Variants in SPIRE1 observed in about 807,000 individuals in gnomAD.
SPIRE1 encodes the protein protein spire homolog 1.
A neutral mutation model predicts 94.1 loss-of-function variants in SPIRE1; 40 were observed. The observed-to-expected ratio is 0.43, with a 90% CI of 0.33 to 0.55. The LOEUF (loss-of-function observed/expected upper bound fraction) is 0.55, where lower values mean the gene tolerates loss of function less well. Ranked by LOEUF, SPIRE1 falls within the 20% of genes least tolerant of loss-of-function variation. The pLI is 0.06. For synonymous variants in SPIRE1, 376 were observed against 371.7 expected, an observed-to-expected ratio of 1.01 and a Z score of -0.13; for missense variants, 838 against 975.2, an observed-to-expected ratio of 0.86 and a Z score of 1.87.
rs55915333 is a variant in SPIRE1, at chr18:12,626,886, A to ATATATT, written c.372+8175_372+8176insAATATA. Among the ~76,000 whole-genome samples, 445 of 111,834 alleles carry ATATATT rather than the reference A, an allele frequency of 4.0e-3. 2 individuals are homozygous for ATATATT. Among genetic ancestry groups the ATATATT allele is most frequent in the East Asian group, 0.012 (45 of 3,854 alleles). 73.4% of individuals were successfully genotyped at this position (111,834 alleles called of 152,430 possible). On this transcript the variant is annotated intron_variant, in intron 2 of 16. Transcript: ENST00000409402. ...CTGTAAAATATATATATATATATAT[A>ATATATT]TTTTTTTTTTTTTTTTGCCCAGAGG...
Position 12,449,572 on chromosome 18 carries a change from C to G in SPIRE1, c.*66G>C. On this transcript the variant is annotated 3_prime_UTR_variant, in exon 17 of 17. Coordinates refer to ENST00000409402, the MANE Select transcript of SPIRE1 (RefSeq NM_001128626.2). ...ATAAAACCACAGAAAGGAGAGCCAG[C>G]CCGGCTCAGTGTCCTCGCGCACGGA... 6.6e-7 allele frequency: 1 copy of G among 1,515,884 alleles called. No individual in the cohort carries two copies. The highest frequency in any genetic ancestry group is 2.0e-5 in the Admixed American group (1 of 49,204). 93.9% of individuals were successfully genotyped at this position (1,515,884 alleles called of 1,614,324 possible). A position where few individuals can be genotyped will look rare whatever the true frequency, so the allele number is the denominator to read the frequency against.
intron 2 of SPIRE1, among the ~76,000 whole-genome samples, chr18:12,587,742 C>T (rs1002854282): frequency 6.6e-6 from 1 of 152,098 alleles, no homozygotes; most frequent in Non-Finnish European, 1.5e-5. Flanking sequence ...GAGAACAGAG[C>T]TCAATGTAAA....
At chr18:12,552,174 A>G (rs2035370170) in intron 2 of SPIRE1, among the ~76,000 whole-genome samples, 1 of 152,202 alleles carries the variant, frequency 6.6e-6, no homozygotes, top group South Asian at 2.1e-4. Context: ...TGCGTGCTTA[A>G]GTGCTCTGAG....
chr18:12,526,866 C>A (rs556628310), intron 4 of SPIRE1, among the ~76,000 whole-genome samples: 1 of 151,918 alleles, frequency 6.6e-6, no homozygotes, highest in East Asian at 1.9e-4. Flanking sequence ...CATGCCACCA[C>A]GCCTGGCTAA....
intron 2 of SPIRE1, among the ~76,000 whole-genome samples, chr18:12,557,203 G>A (rs535837886): frequency 2.6e-5 from 4 of 152,338 alleles, no homozygotes; most frequent in South Asian, 2.1e-4. Flanking sequence ...AGGGGGTGGC[G>A]CCCGTCGGGG....
intron 6 of SPIRE1, among the ~76,000 whole-genome samples, chr18:12,496,845 G>C (rs1437944650): frequency 6.6e-6 from 1 of 151,896 alleles, no homozygotes; most frequent in African/African-American, 2.4e-5. Flanking sequence ...CTCCAGTCTG[G>C]GTGACAAAGC....
At chr18:12,496,270 A>G (rs967786427) in intron 6 of SPIRE1, among the ~76,000 whole-genome samples, 168 bp from the exon 7 acceptor site, 32 of 152,212 alleles carry the variant, frequency 2.1e-4, no homozygotes, top group Admixed American at 1.3e-4. Flanking sequence ...ATTCAGAGGA[A>G]AGACTGTGAA....
rs373717220 is a variant in SPIRE1 at position 12,483,785 on chromosome 18, G to A, written c.1231+2174C>T. 6.6e-5 allele frequency among the ~76,000 whole-genome samples: 10 copies of A among 152,158 alleles called. No individual in the cohort carries two copies. In the South Asian group the frequency reaches 1.9e-3, roughly 28 times the overall value. ...TTGTTCATTTTCTAACTCAGAAAAT[G>A]CACTCCAATCTTTGCATTTAAGTTA... On this transcript the variant is annotated intron_variant, in intron 9 of 16. Transcript: ENST00000409402.
At chr18:12,634,987 T>C in intron 2 of SPIRE1, 75 bp downstream of exon 2, 1 of 748,310 alleles carries the variant, frequency 1.3e-6, no homozygotes, top group Admixed American at 2.7e-5. Context: ...TATAGTGAGA[T>C]AGTTCAGTAC....
intron 2 of SPIRE1, among the ~76,000 whole-genome samples, chr18:12,609,238 A>G (rs750418631): frequency 1.5e-4 from 23 of 152,224 alleles, no homozygotes; most frequent in Non-Finnish European, 2.8e-4. Flanking sequence ...GCTCTAAAGC[A>G]TTCAAACGGT....
chr18:12,573,420 C>A (rs923008456), intron 2 of SPIRE1, among the ~76,000 whole-genome samples: 1 of 152,142 alleles, frequency 6.6e-6, no homozygotes, highest in African/African-American at 2.4e-5. Context: ...CAGTTTCTTA[C>A]AAAACTAAAC....
At chr18:12,556,659 C>G (rs1433211930) in intron 2 of SPIRE1, among the ~76,000 whole-genome samples, 3 of 152,188 alleles carry the variant, frequency 2.0e-5, no homozygotes, top group African/African-American at 7.2e-5. Context: ...CCCAGGGCAT[C>G]TGGAGTTGTT....
intron 2 of SPIRE1, among the ~76,000 whole-genome samples, chr18:12,607,596 TACACACAC>T (rs34187168): frequency 2.3e-3 from 334 of 146,304 alleles, no homozygotes; most frequent in South Asian, 4.2e-3. Context: ...TCCACAGCAC[TACACACAC>T]ACACACACAC....
chr18:12,538,353 A>T (rs1396024645), intron 3 of SPIRE1, among the ~76,000 whole-genome samples: 1 of 152,212 alleles, frequency 6.6e-6, no homozygotes, highest in Non-Finnish European at 1.5e-5. Context: ...GTTATTTAAC[A>T]TTGCTGGGTT....
chr18:12,654,540 G>A (rs377199801), intron 1 of SPIRE1, among the ~76,000 whole-genome samples: 12 of 151,636 alleles, frequency 7.9e-5, no homozygotes, highest in Admixed American at 1.3e-4. Flanking sequence ...CCAGCTACTC[G>A]GGAGGCTGAG....
At chr18:12,599,677 C>A (rs1010465905) in intron 2 of SPIRE1, among the ~76,000 whole-genome samples, 1 of 152,182 alleles carries the variant, frequency 6.6e-6, no homozygotes, top group Admixed American at 6.5e-5. Context: ...TCTCATGTTT[C>A]TGCAGGTTAT....
intron 2 of SPIRE1, among the ~76,000 whole-genome samples, chr18:12,600,770 T>C (rs957338318): frequency 2.0e-5 from 3 of 152,058 alleles, no homozygotes; most frequent in Non-Finnish European, 4.4e-5. Context: ...TCACTCAGGG[T>C]GGAGTGCAGT....
chr18:12,572,386 T>C (rs984192509), intron 2 of SPIRE1, among the ~76,000 whole-genome samples: 2 of 152,106 alleles, frequency 1.3e-5, no homozygotes, highest in Admixed American at 1.3e-4. Flanking sequence ...CTGATCCTCT[T>C]GCCTCAGCCT....
intron 2 of SPIRE1, among the ~76,000 whole-genome samples, chr18:12,626,793 A>C (rs1031552439): frequency 1.3e-5 from 2 of 151,374 alleles, no homozygotes; most frequent in Non-Finnish European, 2.9e-5. Context: ...TGCAAATAAT[A>C]GGATCTACTT....
Sources: allele counts gnomAD v4.1 joint callset (sites outside exome capture counted in the v4.1 genomes callset), GRCh38; gene constraint gnomAD v4.1.1; transcripts MANE v1.5; gene names NCBI Gene and HGNC (gene_info 2026-07-23, HGNC 2026-07-21).